Variants in UGT8 observed in about 807,000 individuals in gnomAD.
UGT8 encodes the protein 2-hydroxyacylsphingosine 1-beta-galactosyltransferase.
In UGT8, 12 loss-of-function variants were observed where a neutral mutation model predicts 40.5. That is an observed-to-expected ratio of 0.30 (90% confidence interval 0.19 to 0.48). UGT8 has a LOEUF of 0.48. Ranked by LOEUF, UGT8 falls within the 20% of genes least tolerant of loss-of-function variation. The probability of loss-of-function intolerance (pLI) is 0.99; values close to 1 mark genes in which losing one functional copy is unlikely to be tolerated. For synonymous variants in UGT8, 224 were observed against 240.4 expected, an observed-to-expected ratio of 0.93 and a Z score of 0.63; for missense variants, 513 against 648.7, an observed-to-expected ratio of 0.79 and a Z score of 2.27.
At chr4:114,625,195 G>A (rs1732121838) in intron 2 of UGT8, among the ~76,000 whole-genome samples, 1 of 152,008 alleles carries the variant, frequency 6.6e-6, no homozygotes. Context: ...CTCTTCTTCA[G>A]TCACTTGATT....
chr4:114,639,447 A>G (rs1733081443), intron 2 of UGT8, among the ~76,000 whole-genome samples: 1 of 152,200 alleles, frequency 6.6e-6, no homozygotes, highest in South Asian at 2.1e-4. Context: ...TGTATCCAGA[A>G]AGTGGTGCCA....
intron 1 of UGT8, among the ~76,000 whole-genome samples, chr4:114,602,414 A>G (rs1174691395): frequency 1.3e-5 from 2 of 152,218 alleles, no homozygotes; most frequent in African/African-American, 2.4e-5. Flanking sequence ...ATTATTTTGC[A>G]AATCTACTTA....
rs1578469841 is a variant in UGT8, at chr4:114,668,142, C to G, written c.1100C>G (p.Thr367Ser). The G allele has an allele frequency of 6.2e-7, 1 of 1,613,688 alleles. No homozygotes were observed. Among genetic ancestry groups the G allele is most frequent in the Non-Finnish European group, 8.5e-7 (1 of 1,179,748 alleles). Residue 367 changes from threonine to serine, a missense_variant, in exon 5 of 6, where the codon ACT becomes AGT. Thr to Ser is a moderately conservative substitution (Grantham distance 58). Around this residue, in one of 3 missense-constraint regions of UGT8, gnomAD observed 335 missense variants for 444.8 expected, o/e 0.75. Coordinates refer to ENST00000310836, the MANE Select transcript of UGT8 (RefSeq NM_001128174.3). ...GGTGGTTTGAACAGTATTTTTGAAACTATATATCATGGTGTGCCTGTAGTG... is the reference window on the plus strand; with the variant it reads ...GGTGGTTTGAACAGTATTTTTGAAAGTATATATCATGGTGTGCCTGTAGTG... Reference protein sequence around the residue: ...SHGGLNSIFETIYHGVPVVGI... With the variant: ...SHGGLNSIFESIYHGVPVVGI...
intron 2 of UGT8, among the ~76,000 whole-genome samples, chr4:114,661,701 T>A (rs1578461297): frequency 1.3e-5 from 2 of 152,344 alleles, no homozygotes. Context: ...TTGCTCACTG[T>A]CTCTGCTCCA....
chr4:114,643,470 T>C (rs576459431), intron 2 of UGT8, among the ~76,000 whole-genome samples: 1 of 152,260 alleles, frequency 6.6e-6, no homozygotes, highest in African/African-American at 2.4e-5. Flanking sequence ...TTAGAAAAAA[T>C]GTTATATTAT....
chr4:114,658,433 G>A (rs1242475377), intron 2 of UGT8, among the ~76,000 whole-genome samples: 1 of 152,160 alleles, frequency 6.6e-6, no homozygotes, highest in East Asian at 1.9e-4. Flanking sequence ...ATTCTTGGAG[G>A]AGAGAAAAGA....
intron 2 of UGT8, among the ~76,000 whole-genome samples, chr4:114,632,308 G>A (rs985785195): frequency 6.6e-6 from 1 of 152,174 alleles, no homozygotes; most frequent in African/African-American, 2.4e-5. Flanking sequence ...GTCTTCCTTT[G>A]TCCTAAAACT....
At chr4:114,663,968 AACTT>A (rs913356154) in intron 2 of UGT8, 23 bp from the exon 3 acceptor site, 3 of 1,612,618 alleles carry the variant, frequency 1.9e-6, no homozygotes, top group Non-Finnish European at 2.5e-6. Flanking sequence ...GTCTTCGTAA[AACTT>A]ACTGCCATGT....
In UGT8 at chr4:114,622,980, C is replaced by T; in HGVS notation, c.100C>T (p.His34Tyr). Residue 34 changes from histidine to tyrosine, a missense_variant, in exon 2 of 6, where the codon CAT (histidine) becomes TAT (tyrosine). His to Tyr is a moderately conservative substitution (Grantham distance 83, BLOSUM62 2). Coordinates refer to ENST00000310836, the MANE Select transcript of UGT8 (RefSeq NM_001128174.3). Reference sequence around the variant, plus strand: ...CGTGCCGCCAATTATGTTTGAAAGCCATATGTACATTTTCAAGACGCTAGC... The same window carrying T: ...CGTGCCGCCAATTATGTTTGAAAGCTATATGTACATTTTCAAGACGCTAGC... ...IIVPPIMFES[H>Y]MYIFKTLASA... 6.2e-7 allele frequency: 1 copy of T among 1,614,024 alleles called. No homozygotes were observed. Among genetic ancestry groups the T allele is most frequent in the Non-Finnish European group, 8.5e-7 (1 of 1,179,992 alleles).
In UGT8 at chr4:114,677,094, C is replaced by T. The variant is rs1735703753; in HGVS notation, c.*806C>T. 1 of 152,150 alleles carries T rather than the reference C, an allele frequency of 6.6e-6. No individual in the cohort carries two copies. The highest frequency in any genetic ancestry group is 2.4e-5 in the African/African-American group (1 of 41,520). 9.4% of individuals were successfully genotyped at this position (152,150 alleles called of 1,614,324 possible). A position where few individuals can be genotyped will look rare whatever the true frequency, so the allele number is the denominator to read the frequency against. On this transcript the variant is annotated 3_prime_UTR_variant, in exon 6 of 6. Coordinates refer to ENST00000310836, the MANE Select transcript of UGT8 (RefSeq NM_001128174.3). ...TTTTCTATTTCATTTTAATGAGTAA[C>T]AATATGTTAAATGCATAATTAAGAC...
At chr4:114,654,440 C>A (rs1734056969) in intron 2 of UGT8, among the ~76,000 whole-genome samples, 1 of 152,000 alleles carries the variant, frequency 6.6e-6, no homozygotes, top group African/African-American at 2.4e-5. Flanking sequence ...TTTAAGCAAC[C>A]ACCTATTATA....
At chr4:114,665,137 T>G (rs7679995) in intron 3 of UGT8, among the ~76,000 whole-genome samples, 92,670 of 152,098 alleles carry the variant, frequency 0.61, 30,606 homozygotes, top group East Asian at 0.81. Context: ...TATTTCTGTT[T>G]TATCTTTTAA....
intron 2 of UGT8, among the ~76,000 whole-genome samples, chr4:114,651,944 A>G (rs541367736): frequency 1.1e-4 from 16 of 152,178 alleles, no homozygotes; most frequent in African/African-American, 2.4e-4. Flanking sequence ...TACACAAATT[A>G]TGGGGAATAC....
chr4:114,672,155 A>G (rs911719994), intron 5 of UGT8, among the ~76,000 whole-genome samples: 2 of 152,226 alleles, frequency 1.3e-5, no homozygotes, highest in Non-Finnish European at 2.9e-5. Flanking sequence ...GTGATTATTA[A>G]AAAGTCAGGA....
intron 2 of UGT8, among the ~76,000 whole-genome samples, chr4:114,632,014 T>A (rs1732608807): frequency 6.6e-6 from 1 of 152,208 alleles, no homozygotes; most frequent in Admixed American, 6.5e-5. Context: ...AGTGGCCATG[T>A]ACAGCCATGT....
At chr4:114,644,762 G>T (rs1283477505) in intron 2 of UGT8, among the ~76,000 whole-genome samples, 2 of 152,052 alleles carry the variant, frequency 1.3e-5, no homozygotes, top group African/African-American at 4.8e-5. Context: ...TTCAGTTAAT[G>T]CTTATTGAGT....
At chr4:114,599,399 G>A (rs1295205050) in intron 1 of UGT8, among the ~76,000 whole-genome samples, 3 of 152,172 alleles carry the variant, frequency 2.0e-5, no homozygotes, top group African/African-American at 4.8e-5. Context: ...CAGCTGCCAG[G>A]GCAGGGATGG....
upstream of UGT8, chr4:114,598,744 G>A (rs925951322): frequency 6.6e-6 from 1 of 152,026 alleles, no homozygotes; most frequent in Non-Finnish European, 1.5e-5. Context: ...AGCTGCGGAC[G>A]AGCAGGCGCG....
At position 114,677,837 on chromosome 4, in the gene UGT8, A is replaced by C. The variant is rs1051429955; in HGVS notation, c.*1549A>C. The C allele has an allele frequency of 3.9e-5, 6 of 152,162 alleles. No individual in the cohort carries two copies. The highest frequency in any genetic ancestry group is 1.4e-4 in the African/African-American group (6 of 41,430). 9.4% of individuals were successfully genotyped at this position (152,162 alleles called of 1,614,324 possible). A position where few individuals can be genotyped will look rare whatever the true frequency, so the allele number is the denominator to read the frequency against. ...TTGTGAAAATTCTAGAGTGCTGTAA[A>C]TCCTTGGCATACACTATGACAAACA... On this transcript the variant is annotated 3_prime_UTR_variant, in exon 6 of 6. Coordinates refer to ENST00000310836, the MANE Select transcript of UGT8 (RefSeq NM_001128174.3).
Sources: allele counts gnomAD v4.1 joint callset (sites outside exome capture counted in the v4.1 genomes callset), GRCh38; gene constraint gnomAD v4.1.1; regional missense constraint gnomAD v4.1.1; transcripts MANE v1.5; gene names NCBI Gene and HGNC (gene_info 2026-07-23, HGNC 2026-07-21).